The following IL1RAPL1 variants were observed in gnomAD, a reference collection of about 807,000 sequenced individuals.
IL1RAPL1 encodes the protein interleukin 1 receptor accessory protein like 1, also known as interleukin-1 receptor accessory protein-like 1.
IL1RAPL1 carries 3 observed loss-of-function variants against 48.4 expected under a neutral mutation model. That is an observed-to-expected ratio of 0.06 (90% CI 0.03 to 0.16). The LOEUF (loss-of-function observed/expected upper bound fraction) is 0.16. Ranked by LOEUF, IL1RAPL1 falls within the 10% of genes least tolerant of loss-of-function variation. The pLI, the probability that IL1RAPL1 is intolerant of heterozygous loss-of-function variation, is 1.00. For missense variants in IL1RAPL1, 349 were observed against 530.6 expected (o/e 0.66, Z 3.36); for synonymous variants, 185 against 187.7 (o/e 0.99, Z 0.12).
intron 2 of IL1RAPL1, among the ~76,000 whole-genome samples, chrX:29,105,852 G>A (rs1158053335): frequency 1.8e-5 from 2 of 111,712 alleles, no homozygotes; most frequent in Non-Finnish European, 3.8e-5. Flanking sequence ...CCATCAATGG[G>A]CTGTACCTGC....
At chrX:29,881,720 A>T (rs1932036447) in intron 6 of IL1RAPL1, among the ~76,000 whole-genome samples, 2 of 111,443 alleles carry the variant, frequency 1.8e-5, no homozygotes, top group Admixed American at 9.6e-5. Context: ...TCTTAAAGGT[A>T]TTTTAAGTTA....
chrX:28,827,390 CAT>C (rs1937005221), intron 2 of IL1RAPL1, among the ~76,000 whole-genome samples: 1 of 111,064 alleles, frequency 9.0e-6, no homozygotes. Flanking sequence ...AGTGTTTACT[CAT>C]ATTACAGATG....
intron 2 of IL1RAPL1, among the ~76,000 whole-genome samples, chrX:28,948,847 A>G (rs1437668957): frequency 9.0e-6 from 1 of 111,024 alleles, no homozygotes; most frequent in East Asian, 2.9e-4. Context: ...GATAAAGTTT[A>G]ATTTATAAAG....
chrX:28,739,770 A>G (rs929911618), intron 1 of IL1RAPL1, among the ~76,000 whole-genome samples: 1 of 110,445 alleles, frequency 9.1e-6, no homozygotes, highest in Non-Finnish European at 1.9e-5. Flanking sequence ...GCCATATGCT[A>G]TCTCTCTTTC....
chrX:29,469,954 C>T (rs1364684357), intron 5 of IL1RAPL1, among the ~76,000 whole-genome samples: 3 of 111,963 alleles, frequency 2.7e-5, no homozygotes, highest in African/African-American at 9.7e-5. Context: ...AATTTCACTG[C>T]AAGAAAATCG....
At chrX:29,658,597 T>G (rs1925754753) in intron 5 of IL1RAPL1, among the ~76,000 whole-genome samples, 1 of 112,133 alleles carries the variant, frequency 8.9e-6, no homozygotes. Context: ...ATCAGTGAAC[T>G]AAGGAAGTGC....
chrX:28,834,424 C>T (rs1230052197), intron 2 of IL1RAPL1, among the ~76,000 whole-genome samples: 1 of 110,549 alleles, frequency 9.0e-6, no homozygotes, highest in Non-Finnish European at 1.9e-5. Flanking sequence ...TTGGATATGG[C>T]TTCAAATTTG....
At chrX:29,081,564 A>G (rs1927844966) in intron 2 of IL1RAPL1, among the ~76,000 whole-genome samples, 1 of 111,699 alleles carries the variant, frequency 9.0e-6, no homozygotes, top group Non-Finnish European at 1.9e-5. Flanking sequence ...TATATTGTCC[A>G]AAGTACCAGT....
chrX:28,868,246 C>T (rs1206384950), intron 2 of IL1RAPL1, among the ~76,000 whole-genome samples: 1 of 111,281 alleles, frequency 9.0e-6, no homozygotes, highest in African/African-American at 3.3e-5. Flanking sequence ...CAAGTAGAGA[C>T]AGATCAATTT....
chrX:29,405,921 C>A (rs1934059950), intron 5 of IL1RAPL1, among the ~76,000 whole-genome samples: 1 of 101,451 alleles, frequency 9.9e-6, no homozygotes, highest in African/African-American at 4.4e-5. Flanking sequence ...TCTCTCAGTT[C>A]TTGGATGTTC....
intron 2 of IL1RAPL1, among the ~76,000 whole-genome samples, chrX:29,008,482 A>G (rs959488953): frequency 8.9e-6 from 1 of 112,039 alleles, no homozygotes; most frequent in Non-Finnish European, 1.9e-5. Flanking sequence ...GGCCCGGGCC[A>G]GATAATTTTT....
chrX:29,392,666 A>G (rs1933868191), intron 3 of IL1RAPL1, among the ~76,000 whole-genome samples: 1 of 112,291 alleles, frequency 8.9e-6, no homozygotes, highest in African/African-American at 3.2e-5. Context: ...GAAAATAAGA[A>G]TACCTAAGTG....
chrX:28,588,963 T>C (rs1304887295), intron 1 of IL1RAPL1, among the ~76,000 whole-genome samples: 2 of 111,993 alleles, frequency 1.8e-5, no homozygotes, highest in African/African-American at 6.5e-5. Context: ...GTTGAAGATG[T>C]GTCCTGTCTG....
In IL1RAPL1 at chrX:28,704,831, C is replaced by CAAAAAAAAA. The variant is rs1179973377; in HGVS notation, c.-24-84479_-24-84471dup. Among the ~76,000 whole-genome samples the CAAAAAAAAA allele has an allele frequency of 2.3e-3, 67 of 29,644 alleles. 7 individuals are homozygous for CAAAAAAAAA. In the East Asian group the frequency reaches 0.072, roughly 32 times the overall value. The allele number at this position is 29,644 out of a possible 115,157, so 25.7% of individuals were successfully genotyped here. A position where few individuals can be genotyped will look rare whatever the true frequency, so the allele number is the denominator to read the frequency against. On this transcript the variant is annotated intron_variant, in intron 1 of 10. Coordinates refer to ENST00000378993, the MANE Select transcript of IL1RAPL1 (RefSeq NM_014271.4). ...ACACACACACACACACACACACACA[C>CAAAAAAAAA]AAAAAAAAAAAAAAAAAACTGTGAC...
At chrX:29,127,291 A>G (rs1482974378) in intron 2 of IL1RAPL1, among the ~76,000 whole-genome samples, 1 of 111,220 alleles carries the variant, frequency 9.0e-6, no homozygotes, top group Non-Finnish European at 1.9e-5. Flanking sequence ...TCAAAACACG[A>G]TGCATGGTGC....
At chrX:29,941,202 G>A (rs763910164) in intron 8 of IL1RAPL1, among the ~76,000 whole-genome samples, 1 of 112,048 alleles carries the variant, frequency 8.9e-6, no homozygotes, top group South Asian at 3.7e-4. Flanking sequence ...CATTGGGAGA[G>A]GCCAAAAGTC....
In IL1RAPL1 at chrX:28,789,443, A is replaced by AT. The variant is rs1936510871; in HGVS notation, c.82+24dup. The AT allele has an allele frequency of 6.2e-6, 7 of 1,126,196 alleles. No homozygotes were observed. Among genetic ancestry groups the AT allele is most frequent in the Non-Finnish European group, 8.6e-6 (7 of 817,868 alleles). 92.8% of individuals were successfully genotyped at this position (1,126,196 alleles called of 1,213,427 possible). On this transcript the variant is annotated intron_variant, in intron 2 of 10. Transcript: ENST00000378993. ...AGGCTCCGGTAAGCAGTATTCCTCT[A>AT]TTTTTTATGTGTTTTTATAGCTTAA...
chrX:28,742,329 G>A (rs976833635), intron 1 of IL1RAPL1, among the ~76,000 whole-genome samples: 1 of 111,465 alleles, frequency 9.0e-6, no homozygotes, highest in Admixed American at 9.6e-5. Flanking sequence ...CAAGCTCTTG[G>A]CAAATAAGGA....
chrX:29,731,040 CTT>C (rs751132036), intron 6 of IL1RAPL1, among the ~76,000 whole-genome samples: 1 of 112,441 alleles, frequency 8.9e-6, no homozygotes, highest in South Asian at 3.7e-4. Flanking sequence ...TTCTAGGTCT[CTT>C]TTAAATTTTG....
Sources: gnomAD v4.1 joint callset for allele counts (sites outside exome capture counted in the v4.1 genomes callset) on GRCh38, gnomAD v4.1.1 for gene constraint, MANE v1.5 for transcripts, NCBI Gene and HGNC (gene_info 2026-07-23, HGNC 2026-07-21) for gene names.